MTHFD1L: variants seen among roughly 807,000 people sequenced by gnomAD.
MTHFD1L encodes the protein methylenetetrahydrofolate dehydrogenase (NADP+ dependent) 1 like, also known as monofunctional C1-tetrahydrofolate synthase, mitochondrial.
In MTHFD1L, 81 loss-of-function variants were observed where a neutral mutation model predicts 119.5. That is an observed-to-expected ratio of 0.68 (90% CI 0.57 to 0.82). The LOEUF (loss-of-function observed/expected upper bound fraction) is 0.82. Among genes scored for constraint, MTHFD1L ranks in the 40% least tolerant of loss-of-function variants. The pLI is 0.00. For missense variants in MTHFD1L, 1,125 were observed against 1,253.4 expected (o/e 0.90, Z 1.55); for synonymous variants, 430 against 475.2 (o/e 0.90, Z 1.24).
chr6:150,990,003 G>T (rs1376233260), intron 20 of MTHFD1L, among the ~76,000 whole-genome samples: 1 of 152,200 alleles, frequency 6.6e-6, no homozygotes, highest in Non-Finnish European at 1.5e-5. Context: ...TCAAGGCCGG[G>T]CGCAGTGGCT....
intron 24 of MTHFD1L, among the ~76,000 whole-genome samples, chr6:151,029,923 T>C (rs144460568): frequency 1.7e-4 from 26 of 152,370 alleles, no homozygotes; most frequent in Non-Finnish European, 3.8e-4. Context: ...ACACTCTTTA[T>C]TTTTGAATTA....
chr6:150,932,678 GA>G (rs1253775388), intron 11 of MTHFD1L, among the ~76,000 whole-genome samples: 18 of 151,972 alleles, frequency 1.2e-4, no homozygotes, highest in Non-Finnish European at 2.1e-4. Flanking sequence ...CGAGGCAGGA[GA>G]ATTGCTTGAA....
chr6:151,061,024 GAA>G (rs1790553637), intron 26 of MTHFD1L, among the ~76,000 whole-genome samples: 1 of 152,184 alleles, frequency 6.6e-6, no homozygotes, highest in African/African-American at 2.4e-5. Flanking sequence ...TAAACTCAAT[GAA>G]CAGGAGCGGG....
intron 7 of MTHFD1L, among the ~76,000 whole-genome samples, chr6:150,888,379 A>G (rs1782671550): frequency 6.6e-6 from 1 of 152,234 alleles, no homozygotes; most frequent in African/African-American, 2.4e-5. Flanking sequence ...CAAATACAGC[A>G]GGAAGTAGGG....
intron 20 of MTHFD1L, among the ~76,000 whole-genome samples, chr6:150,987,512 A>G (rs975066739): frequency 3.3e-5 from 5 of 152,212 alleles, no homozygotes; most frequent in Admixed American, 2.0e-4. Context: ...CAGTTGCTCA[A>G]ACAACACCAT....
At chr6:150,963,233 A>G (rs1796711031) in intron 18 of MTHFD1L, among the ~76,000 whole-genome samples, 1 of 152,108 alleles carries the variant, frequency 6.6e-6, no homozygotes, top group Non-Finnish European at 1.5e-5. Context: ...CAGCTTTCAA[A>G]GTGAACCATC....
Position 151,024,151 on chromosome 6 carries a change from G to A in MTHFD1L, c.2586+8458G>A, listed in dbSNP as rs148561940. Reference sequence around the variant, plus strand: ...GGCTCCTTGAACATGAACACGGAACGAGCGTTGCACCTGTATTCATTCATT... The same window carrying A: ...GGCTCCTTGAACATGAACACGGAACAAGCGTTGCACCTGTATTCATTCATT... On this transcript the variant is annotated intron_variant, in intron 24 of 27. Coordinates refer to ENST00000367321, the MANE Select transcript of MTHFD1L (RefSeq NM_015440.5). Among the ~76,000 whole-genome samples, 475 of 152,052 alleles carry A rather than the reference G, an allele frequency of 3.1e-3. 1 individual carries two copies. Among genetic ancestry groups the A allele is most frequent in the African/African-American group, 0.01 (421 of 41,460 alleles).
chr6:151,060,077 G>A (rs1020615403), intron 26 of MTHFD1L, among the ~76,000 whole-genome samples: 17 of 152,182 alleles, frequency 1.1e-4, no homozygotes, highest in East Asian at 3.8e-4. Flanking sequence ...CTCAGTTAAC[G>A]TTTACATAGT....
chr6:150,918,468 CT>C, intron 8 of MTHFD1L, 108 bp from the exon 9 acceptor site: 2 of 816,768 alleles, frequency 2.4e-6, no homozygotes, highest in Non-Finnish European at 4.2e-6. Context: ...TCCTAACTTC[CT>C]TGGTGAAAAA....
At chr6:150,930,119 A>G (rs1016389519) in intron 11 of MTHFD1L, among the ~76,000 whole-genome samples, 3 of 152,188 alleles carry the variant, frequency 2.0e-5, no homozygotes, top group Non-Finnish European at 4.4e-5. Context: ...GATAGCCTAA[A>G]GTGGGCCTGG....
At chr6:150,867,451 C>T (rs557628916) in intron 1 of MTHFD1L, among the ~76,000 whole-genome samples, 1 of 152,336 alleles carries the variant, frequency 6.6e-6, no homozygotes, top group Non-Finnish European at 1.5e-5. Context: ...CCCCCAAAAG[C>T]GCTGGGATTA....
At chr6:151,050,761 TTC>T (rs1172301739) in intron 26 of MTHFD1L, among the ~76,000 whole-genome samples, 1 of 152,108 alleles carries the variant, frequency 6.6e-6, no homozygotes, top group Non-Finnish European at 1.5e-5. Flanking sequence ...CACAGAAGTC[TTC>T]TATGTTGATG....
chr6:151,044,667 C>G (rs1345376341), intron 26 of MTHFD1L, among the ~76,000 whole-genome samples: 2 of 152,100 alleles, frequency 1.3e-5, no homozygotes, highest in Non-Finnish European at 2.9e-5. Flanking sequence ...TGGAAACCTG[C>G]CCAGGGACCA....
chr6:151,096,936 G>A (rs1356781690), intron 27 of MTHFD1L, among the ~76,000 whole-genome samples: 1 of 152,166 alleles, frequency 6.6e-6, no homozygotes, highest in Non-Finnish European at 1.5e-5. Context: ...CCTTCACTGT[G>A]GTTAGAATAA....
chr6:150,975,928 T>A (rs1776491525), intron 20 of MTHFD1L, among the ~76,000 whole-genome samples: 1 of 152,150 alleles, frequency 6.6e-6, no homozygotes, highest in Non-Finnish European at 1.5e-5. Context: ...GGTCTTCTGG[T>A]CCTCACTTGT....
At chr6:151,080,635 T>A (rs937881303) in intron 26 of MTHFD1L, among the ~76,000 whole-genome samples, 1 of 152,236 alleles carries the variant, frequency 6.6e-6, no homozygotes, top group Admixed American at 6.5e-5. Flanking sequence ...ATTAGTCTGC[T>A]AGGGCTGCCG....
chr6:150,876,974 C>G (rs767832812), intron 2 of MTHFD1L, among the ~76,000 whole-genome samples: 8 of 152,284 alleles, frequency 5.3e-5, no homozygotes, highest in South Asian at 2.1e-4. Context: ...GATTAGGGCT[C>G]GGGCCTCCTG....
rs1416659725 is a variant in MTHFD1L at position 150,926,445 on chromosome 6, A to T, written c.1256+150A>T. 3.9e-6 allele frequency: 3 copies of T among 775,600 alleles called. No individual in the cohort carries two copies. The highest frequency in any genetic ancestry group is 4.4e-5 in the South Asian group (2 of 45,080). The allele number at this position is 775,600 out of a possible 1,614,324, so 48.0% of individuals were successfully genotyped here. A position where few individuals can be genotyped will look rare whatever the true frequency, so the allele number is the denominator to read the frequency against. On this transcript the variant is annotated intron_variant, in intron 11 of 27. Transcript: ENST00000367321. This position sits in a 1 kb window ranked among gnomAD's most constrained non-coding sequence, Gnocchi z 4.3. Reference sequence around the variant, plus strand: ...TTGGCATTTCTTTATTTGGTGTGAGATAAGTTTTTATTTTCAGTGCAGAGC... The same window carrying T: ...TTGGCATTTCTTTATTTGGTGTGAGTTAAGTTTTTATTTTCAGTGCAGAGC...
chr6:150,945,366 T>C, intron 14 of MTHFD1L, 101 bp from the exon 15 acceptor site: 2 of 870,138 alleles, frequency 2.3e-6, no homozygotes, highest in South Asian at 3.2e-5. Flanking sequence ...ATCTAAATAG[T>C]TCGGTTATAA....
Sources: gnomAD v4.1 joint callset for allele counts (sites outside exome capture counted in the v4.1 genomes callset) on GRCh38, gnomAD v4.1.1 for gene constraint, Gnocchi (gnomAD v3.1) non-coding constraint, MANE v1.5 for transcripts, NCBI Gene and HGNC (gene_info 2026-07-23, HGNC 2026-07-21) for gene names.